BABAM2: variants seen among roughly 807,000 people sequenced by gnomAD.
BABAM2 encodes the protein BRISC and BRCA1 A complex member 2, also known as BRISC and BRCA1-A complex member 2.
A neutral mutation model predicts 54.7 loss-of-function variants in BABAM2; 31 were observed. The observed-to-expected ratio is 0.57, with a 90% CI of 0.43 to 0.77. The LOEUF is 0.77. Among genes scored for constraint, BABAM2 ranks in the 30% least tolerant of loss-of-function variants. The pLI, the probability that BABAM2 is intolerant of heterozygous loss-of-function variation, is 0.00. For synonymous variants in BABAM2, 167 were observed against 162.9 expected (o/e 1.03, Z -0.19); for missense variants, 364 against 455.8 (o/e 0.80, Z 1.83).
At chr2:28,226,711 C>T (rs1029386921) in intron 7 of BABAM2, among the ~76,000 whole-genome samples, 2 of 152,168 alleles carry the variant, frequency 1.3e-5, no homozygotes, top group Non-Finnish European at 2.9e-5. Flanking sequence ...GAAGCCCGCC[C>T]CGCAAATGGC....
chr2:28,103,142 TAAA>T (rs879352992), intron 6 of BABAM2, among the ~76,000 whole-genome samples: 2 of 139,840 alleles, frequency 1.4e-5, no homozygotes. Flanking sequence ...ACTTATTGAG[TAAA>T]AAAAAAAAAA....
At chr2:28,225,690 TAAA>T (rs1680822006) in intron 7 of BABAM2, among the ~76,000 whole-genome samples, 1 of 151,658 alleles carries the variant, frequency 6.6e-6, no homozygotes, top group South Asian at 2.1e-4. Flanking sequence ...CAAAATCATA[TAAA>T]TAGCTCCCTC....
chr2:27,948,092 A>G (rs1669430534), intron 3 of BABAM2, among the ~76,000 whole-genome samples: 1 of 151,868 alleles, frequency 6.6e-6, no homozygotes, highest in Non-Finnish European at 1.5e-5. Context: ...TCATTTCTCT[A>G]TAAAATTTGG....
At chr2:27,917,481 C>T (rs768799925) in intron 2 of BABAM2, among the ~76,000 whole-genome samples, 5 of 152,044 alleles carry the variant, frequency 3.3e-5, no homozygotes, top group Non-Finnish European at 5.9e-5. Flanking sequence ...GGTGAGGGCC[C>T]GTTCCTCATA....
At chr2:28,212,142 A>G (rs192672001) in intron 7 of BABAM2, among the ~76,000 whole-genome samples, 9 of 152,298 alleles carry the variant, frequency 5.9e-5, no homozygotes, top group African/African-American at 9.6e-5. Flanking sequence ...AACTTATTCT[A>G]TCCTCTGTAT....
intron 2 of BABAM2, among the ~76,000 whole-genome samples, chr2:27,927,838 G>GT (rs376186465): frequency 0.64 from 87,391 of 135,668 alleles, 29,234 homozygotes; most frequent in Middle Eastern, 0.79. Context: ...TAAAGTTTCT[G>GT]TTTTTTTTTT....
At chr2:28,069,519 C>T (rs1342318933) in intron 6 of BABAM2, among the ~76,000 whole-genome samples, 3 of 152,194 alleles carry the variant, frequency 2.0e-5, no homozygotes, top group Non-Finnish European at 4.4e-5. Flanking sequence ...GATAGGCCTT[C>T]TTTCTAGAGA....
At chr2:28,207,364 A>G (rs989416144) in intron 7 of BABAM2, among the ~76,000 whole-genome samples, 1 of 150,062 alleles carries the variant, frequency 6.7e-6, no homozygotes, top group Non-Finnish European at 1.5e-5. Flanking sequence ...AAAAAATCCT[A>G]GGATGATGCT....
intron 3 of BABAM2, among the ~76,000 whole-genome samples, chr2:27,958,524 A>G (rs947984292): frequency 1.5e-4 from 22 of 149,624 alleles, no homozygotes; most frequent in African/African-American, 4.9e-4. Flanking sequence ...ACATATACAT[A>G]TATGCATAAA....
chr2:28,198,965 G>A (rs1677948732), intron 7 of BABAM2, among the ~76,000 whole-genome samples: 1 of 152,200 alleles, frequency 6.6e-6, no homozygotes, highest in African/African-American at 2.4e-5. Context: ...ACTTTAGGGA[G>A]GAAGGCCAGG....
At chr2:28,197,934 C>A (rs1677788164) in intron 7 of BABAM2, among the ~76,000 whole-genome samples, 1 of 152,094 alleles carries the variant, frequency 6.6e-6, no homozygotes, top group African/African-American at 2.4e-5. Context: ...TTCTGATAAC[C>A]TAATTAGGTG....
intron 7 of BABAM2, among the ~76,000 whole-genome samples, chr2:28,199,646 T>A (rs956350579): frequency 6.6e-6 from 1 of 151,600 alleles, no homozygotes; most frequent in Non-Finnish European, 1.5e-5. Context: ...AGTTCAGGAG[T>A]CGTGTTGACC....
intron 5 of BABAM2, among the ~76,000 whole-genome samples, chr2:28,026,331 C>G (rs1675658043): frequency 6.6e-6 from 1 of 152,044 alleles, no homozygotes; most frequent in South Asian, 2.1e-4. Context: ...TGGAACCAAC[C>G]CAAATGCCTA....
intron 6 of BABAM2, among the ~76,000 whole-genome samples, chr2:28,072,655 G>A (rs1664272566): frequency 6.6e-6 from 1 of 152,170 alleles, no homozygotes. Flanking sequence ...AAAGTGCTGG[G>A]ATTACAGGCG....
intron 7 of BABAM2, among the ~76,000 whole-genome samples, chr2:28,213,956 A>C (rs1451122343): frequency 1.3e-5 from 2 of 151,624 alleles, no homozygotes; most frequent in Non-Finnish European, 2.9e-5. Flanking sequence ...TAAAAAAAAA[A>C]AAAACAGCAC....
intron 2 of BABAM2, among the ~76,000 whole-genome samples, chr2:27,928,753 A>G (rs1667889975): frequency 6.6e-6 from 1 of 152,142 alleles, no homozygotes; most frequent in South Asian, 2.1e-4. Context: ...CAAAATGAAG[A>G]CATATTACTT....
chr2:27,991,451 T>C (rs1431998144), intron 4 of BABAM2, among the ~76,000 whole-genome samples: 1 of 152,234 alleles, frequency 6.6e-6, no homozygotes, highest in Non-Finnish European at 1.5e-5. Flanking sequence ...GTTTTTAGTA[T>C]GTTCACAGAA....
At chr2:28,265,917 GT>G (rs761454782) in intron 10 of BABAM2, among the ~76,000 whole-genome samples, 4 of 151,888 alleles carry the variant, frequency 2.6e-5, no homozygotes, top group Admixed American at 6.6e-5. Flanking sequence ...ACTTGTGTTA[GT>G]TTTTTTAATT....
chr2:28,059,955 C>G (rs916117881), intron 6 of BABAM2, among the ~76,000 whole-genome samples: 14 of 152,148 alleles, frequency 9.2e-5, no homozygotes, highest in Non-Finnish European at 2.1e-4. Context: ...TATAGAAAAT[C>G]TTTGGGAAAA....
Sources: allele counts gnomAD v4.1 joint callset (sites outside exome capture counted in the v4.1 genomes callset), GRCh38; gene constraint gnomAD v4.1.1; transcripts MANE v1.5; gene names NCBI Gene and HGNC (gene_info 2026-07-23, HGNC 2026-07-21).